Variants in PPARGC1A observed in about 807,000 individuals in gnomAD.
PPARGC1A encodes the protein peroxisome proliferator-activated receptor gamma coactivator 1-alpha.
In PPARGC1A, 25 loss-of-function variants were observed where a neutral mutation model predicts 88.7. That is an observed-to-expected ratio of 0.28 (90% CI 0.21 to 0.39). The LOEUF is 0.39. PPARGC1A is among the 10% of genes least tolerant of loss of function. The pLI is 1.00. For missense variants in PPARGC1A, 880 were observed against 968.7 expected, an observed-to-expected ratio of 0.91 and a Z score of 1.22; for synonymous variants, 363 against 355.6, an observed-to-expected ratio of 1.02 and a Z score of -0.24.
chr4:24,040,539 C>T, the PPARGC1A span, among the ~76,000 whole-genome samples: 8 of 152,078 alleles, frequency 5.3e-5, no homozygotes, highest in East Asian at 3.9e-4. Flanking sequence ...CTATTGGCTT[C>T]GGATATTGAC....
At chr4:23,933,063 T>C in the PPARGC1A span, among the ~76,000 whole-genome samples, 3 of 152,078 alleles carry the variant, frequency 2.0e-5, no homozygotes, top group Admixed American at 2.0e-4. Flanking sequence ...TAGGAAGGAA[T>C]TCGGGCCAGC....
chr4:23,864,821 G>T (rs1175338440), intron 2 of PPARGC1A, among the ~76,000 whole-genome samples: 1 of 152,204 alleles, frequency 6.6e-6, no homozygotes, highest in African/African-American at 2.4e-5. Context: ...CAGCAAGCTT[G>T]CAAAGCACCA....
chr4:24,292,062 C>T, the PPARGC1A span, among the ~76,000 whole-genome samples: 1 of 152,132 alleles, frequency 6.6e-6, no homozygotes, highest in Non-Finnish European at 1.5e-5. Context: ...GGTGGAGAGA[C>T]AGACCTAAAG....
the PPARGC1A span, among the ~76,000 whole-genome samples, chr4:24,310,590 A>T: frequency 2.6e-5 from 4 of 152,212 alleles, no homozygotes; most frequent in Non-Finnish European, 4.4e-5. Flanking sequence ...CCATCACCTA[A>T]GGATAAAATA....
At chr4:24,273,826 G>T in the PPARGC1A span, among the ~76,000 whole-genome samples, 1 of 148,266 alleles carries the variant, frequency 6.7e-6, no homozygotes, top group Admixed American at 6.8e-5. Flanking sequence ...CACCTTCCAG[G>T]TTGAAGCGAT....
intron 10 of PPARGC1A, among the ~76,000 whole-genome samples, chr4:23,808,555 C>T (rs2970886): frequency 0.26 from 39,078 of 151,992 alleles, 5,417 homozygotes; most frequent in Admixed American, 0.34. Context: ...AGAGCAGTGA[C>T]AGTTTAGACA....
chr4:24,017,411 A>G, the PPARGC1A span, among the ~76,000 whole-genome samples: 1 of 152,098 alleles, frequency 6.6e-6, no homozygotes, highest in Non-Finnish European at 1.5e-5. Flanking sequence ...TTTGTTGGGA[A>G]AGCTAAGACT....
the PPARGC1A span, among the ~76,000 whole-genome samples, chr4:24,201,116 TTAAG>T: frequency 3.3e-5 from 5 of 152,358 alleles, no homozygotes; most frequent in South Asian, 6.2e-4. Context: ...TCCTGAGCAC[TTAAG>T]TATTTAGAAA....
chr4:24,027,287 T>C, the PPARGC1A span, among the ~76,000 whole-genome samples: 1 of 151,252 alleles, frequency 6.6e-6, no homozygotes, highest in African/African-American at 2.4e-5. Flanking sequence ...CCACCATTTA[T>C]AGCATAACAT....
chr4:23,992,055 T>C, the PPARGC1A span, among the ~76,000 whole-genome samples: 2 of 152,012 alleles, frequency 1.3e-5, no homozygotes, highest in Admixed American at 6.6e-5. Context: ...TTTATGACAT[T>C]CACTGAACAA....
chr4:24,109,038 A>C, the PPARGC1A span, among the ~76,000 whole-genome samples: 3 of 136,754 alleles, frequency 2.2e-5, no homozygotes, highest in African/African-American at 8.7e-5. Flanking sequence ...CACACACACC[A>C]CACACACACA....
At chr4:24,325,110 T>G in the PPARGC1A span, among the ~76,000 whole-genome samples, 1 of 152,180 alleles carries the variant, frequency 6.6e-6, no homozygotes, top group African/African-American at 2.4e-5. Context: ...CCAAATCAGA[T>G]AGCGTTTAGG....
chr4:24,426,205 T>C, the PPARGC1A span, among the ~76,000 whole-genome samples: 1 of 152,130 alleles, frequency 6.6e-6, no homozygotes, highest in African/African-American at 2.4e-5. Context: ...TTCCAGAACA[T>C]ATACTATTGA....
the PPARGC1A span, among the ~76,000 whole-genome samples, chr4:24,430,719 G>A: frequency 1.3e-5 from 2 of 152,134 alleles, no homozygotes; most frequent in African/African-American, 2.4e-5. Context: ...GTAACAAGGT[G>A]AAAGGGGAAC....
At chr4:24,182,465 C>A in the PPARGC1A span, among the ~76,000 whole-genome samples, 1 of 152,138 alleles carries the variant, frequency 6.6e-6, no homozygotes, top group Non-Finnish European at 1.5e-5. Flanking sequence ...CATACGTGTG[C>A]ATGTGTCTTT....
At chr4:24,050,838 C>G in the PPARGC1A span, among the ~76,000 whole-genome samples, 1 of 152,124 alleles carries the variant, frequency 6.6e-6, no homozygotes, top group Non-Finnish European at 1.5e-5. Context: ...ATTTTATCAG[C>G]CTTGCTACGA....
chr4:24,004,604 C>T, the PPARGC1A span, among the ~76,000 whole-genome samples: 2 of 152,146 alleles, frequency 1.3e-5, no homozygotes, highest in African/African-American at 4.8e-5. Context: ...CAAGGATGTT[C>T]AGATAAGACA....
intron 2 of PPARGC1A, among the ~76,000 whole-genome samples, chr4:23,875,378 C>T (rs897095021): frequency 1.3e-5 from 2 of 152,022 alleles, no homozygotes; most frequent in African/African-American, 4.8e-5. Flanking sequence ...TCTTCTGAAA[C>T]ATTTGAATTA....
chr4:24,280,967 G>A, the PPARGC1A span, among the ~76,000 whole-genome samples: 1 of 152,222 alleles, frequency 6.6e-6, no homozygotes, highest in Non-Finnish European at 1.5e-5. Context: ...CAAAGCTGGA[G>A]AAGCCCAGCA....
Sources: gnomAD v4.1 joint callset for allele counts (sites outside exome capture counted in the v4.1 genomes callset) on GRCh38, gnomAD v4.1.1 for gene constraint, MANE v1.5 for transcripts, NCBI Gene and HGNC (gene_info 2026-07-23, HGNC 2026-07-21) for gene names.